The following ADGRV1 variants were observed in gnomAD, a reference collection of about 807,000 sequenced individuals.
ADGRV1 encodes adhesion G protein-coupled receptor V1.
In ADGRV1, 359 loss-of-function variants were observed where a neutral mutation model predicts 596.2. That is an observed-to-expected ratio of 0.60 (90% CI 0.55 to 0.66). The LOEUF is 0.66. ADGRV1 is among the 30% of genes least tolerant of loss of function. The pLI is 0.00. For synonymous variants in ADGRV1, 2,681 were observed against 2,679.2 expected (o/e 1.00, Z -0.02); for missense variants, 7,274 against 7,575.6 (o/e 0.96, Z 1.48).
At chr5:91,102,717 A>G (rs1197693332) in intron 87 of ADGRV1, among the ~76,000 whole-genome samples, 1 of 152,182 alleles carries the variant, frequency 6.6e-6, no homozygotes, top group Non-Finnish European at 1.5e-5. Context: ...TCAATTGAGG[A>G]GTGAAATAGT....
At chr5:90,815,764 C>A in intron 75 of ADGRV1, 28 bp downstream of exon 75, 2 of 1,158,132 alleles carry the variant, frequency 1.7e-6, no homozygotes, top group Non-Finnish European at 2.5e-6. Context: ...ATATGGAAGA[C>A]GTAACATTCT....
chr5:90,924,389 G>A (rs545462675), intron 83 of ADGRV1, among the ~76,000 whole-genome samples: 181 of 152,062 alleles, frequency 1.2e-3, no homozygotes, highest in African/African-American at 4.1e-3. Context: ...CAGTGATGAC[G>A]AACATTTTTT....
rs1288366636 is a variant in ADGRV1 at position 90,653,427 on chromosome 5, T to C, written c.3853T>C (p.Trp1285Arg). ...QGVFGDVQLG[W>R]EILSSEFPAG... is the part of the protein sequence containing the mutation. ...TGTGTTTGGTGATGTACAACTGGGC[T>C]GGGAAATACTGTCCAGTGAGTTCCC... The change falls in exon 20 of 90, where the codon TGG becomes CGG. Residue 1285 changes from tryptophan (W) to arginine (R), a missense_variant. Trp to Arg is a moderately radical substitution (Grantham distance 101, BLOSUM62 -3). This residue lies in a region of ADGRV1 where 1,715 missense variants were observed against 1,708.8 expected (regional missense o/e 1.00). Coordinates refer to ENST00000405460, the MANE Select transcript of ADGRV1 (RefSeq NM_032119.4). The C allele has an allele frequency of 6.2e-7, 1 of 1,613,964 alleles. No homozygotes were observed. The highest frequency in any genetic ancestry group is 1.7e-5 in the Admixed American group (1 of 59,996).
chr5:91,012,911 T>C lies in ADGRV1; in HGVS notation c.18152+27389T>C, dbSNP rs143919052. Among the ~76,000 whole-genome samples the C allele has an allele frequency of 5.9e-3, 903 of 152,162 alleles. 5 individuals carry two copies. The highest frequency in any genetic ancestry group is 0.019 in the African/African-American group (782 of 41,546). ...TCAAGTAGACACCAATGTCTGTTGT[T>C]CCCTTCTTTGTGCTCATGAGTTCTC... On this transcript the variant is annotated intron_variant, in intron 85 of 89. Transcript: ENST00000405460.
At chr5:90,965,844 T>C (rs1315281900) in intron 84 of ADGRV1, among the ~76,000 whole-genome samples, 1 of 152,196 alleles carries the variant, frequency 6.6e-6, no homozygotes, top group African/African-American at 2.4e-5. Flanking sequence ...AATAGAATGA[T>C]TTTAAGCAAA....
At chr5:90,883,596 C>T (rs914636409) in intron 83 of ADGRV1, among the ~76,000 whole-genome samples, 2 of 152,120 alleles carry the variant, frequency 1.3e-5, no homozygotes, top group African/African-American at 4.8e-5. Context: ...TCCCACCTTC[C>T]AAATGTATTT....
intron 86 of ADGRV1, among the ~76,000 whole-genome samples, chr5:91,101,598 G>A (rs1169670866): frequency 1.3e-5 from 2 of 152,138 alleles, no homozygotes; most frequent in Admixed American, 1.3e-4. Context: ...AAAGTCCCTT[G>A]GCCCTGAGAA....
At position 90,675,427 on chromosome 5, in the gene ADGRV1, C is replaced by G. The variant is rs201388114; in HGVS notation, c.5295C>G (p.Phe1765Leu). 943 of 1,613,276 alleles carry G rather than the reference C, an allele frequency of 5.8e-4. No individual in the cohort carries two copies. Among genetic ancestry groups the G allele is most frequent in the Non-Finnish European group, 7.4e-4 (870 of 1,179,638 alleles). The change falls in exon 24 of 90, where the codon TTC becomes TTG. Residue 1765 changes from phenylalanine (F) to leucine (L), a missense_variant. Phe to Leu is a conservative substitution (Grantham distance 22). This residue lies in a region of ADGRV1 where 3,643 missense variants were observed against 3,809.2 expected (regional missense o/e 0.96). Transcript: ENST00000405460. ...TTAGAACAGTGTCCTTGACAGCATTCAGTCCTGAGGATTACCAGGTAATTT... is the reference window on the plus strand; with the variant it reads ...TTAGAACAGTGTCCTTGACAGCATTGAGTCCTGAGGATTACCAGGTAATTT... ...AEFRTVSLTA[F>L]SPEDYQNVAG... is the part of the protein sequence containing the mutation.
chr5:90,720,008 A>G lies in ADGRV1; in HGVS notation c.9448-40A>G, dbSNP rs200870257. On this transcript the variant is annotated intron_variant, in intron 43 of 89. Transcript: ENST00000405460. The stretch of plus-strand genomic sequence containing the variant: ...TTCGCTATATATGTGTTACAAAAAT[A>G]CTGTATTCTAGTAACCTTATCTTTT... The G allele has an allele frequency of 1.4e-5, 22 of 1,528,042 alleles. No individual in the cohort carries two copies. In the Admixed American group the frequency reaches 3.6e-4, roughly 25 times the overall value. The allele number at this position is 1,528,042 out of a possible 1,614,324, so 94.7% of individuals were successfully genotyped here. A position where few individuals can be genotyped will look rare whatever the true frequency, so the allele number is the denominator to read the frequency against.
intron 85 of ADGRV1, among the ~76,000 whole-genome samples, chr5:90,995,531 T>C (rs1418052770): frequency 6.6e-6 from 1 of 152,172 alleles, no homozygotes; most frequent in Non-Finnish European, 1.5e-5. Context: ...CCACAGGTAG[T>C]TTTTTATAGG....
intron 34 of ADGRV1, among the ~76,000 whole-genome samples, chr5:90,697,513 A>T (rs1747347471): frequency 6.8e-6 from 1 of 147,638 alleles, no homozygotes; most frequent in Non-Finnish European, 1.5e-5. Flanking sequence ...TGGCAAGTAT[A>T]GCGTATGCCC....
chr5:90,659,761 G>A (rs141600444), intron 21 of ADGRV1, among the ~76,000 whole-genome samples: 2 of 152,112 alleles, frequency 1.3e-5, no homozygotes, highest in African/African-American at 4.8e-5. Context: ...GGCCGGGCGC[G>A]GTGGCTCACG....
chr5:90,857,145 G>C (rs1767098877), intron 82 of ADGRV1, among the ~76,000 whole-genome samples: 1 of 152,030 alleles, frequency 6.6e-6, no homozygotes, highest in Admixed American at 6.6e-5. Flanking sequence ...CATAAAGGAT[G>C]ACATTTCTTA....
intron 1 of ADGRV1, among the ~76,000 whole-genome samples, chr5:90,578,672 G>A (rs1757555979): frequency 6.6e-6 from 1 of 152,220 alleles, no homozygotes; most frequent in Non-Finnish European, 1.5e-5. Context: ...GATTGGAATA[G>A]TTCCAGAAGG....
chr5:91,098,988 G>T (rs569082847), intron 86 of ADGRV1, among the ~76,000 whole-genome samples: 1 of 152,228 alleles, frequency 6.6e-6, no homozygotes, highest in South Asian at 2.1e-4. Flanking sequence ...AAATATTAGG[G>T]TATCTTGTCA....
chr5:90,616,507 AG>A (rs1443843150), intron 2 of ADGRV1, among the ~76,000 whole-genome samples: 2 of 152,174 alleles, frequency 1.3e-5, no homozygotes, highest in Non-Finnish European at 2.9e-5. Flanking sequence ...TGAAACTGAT[AG>A]GGAAATAATT....
In ADGRV1 at chr5:90,910,420, C is replaced by T. The variant is rs889546333; in HGVS notation, c.17856+46563C>T. Among the ~76,000 whole-genome samples, 4 of 152,206 alleles carry T rather than the reference C, an allele frequency of 2.6e-5. No individual in the cohort carries two copies. In the South Asian group the frequency reaches 8.3e-4, roughly 32 times the overall value. On this transcript the variant is annotated intron_variant, in intron 83 of 89. Coordinates refer to ENST00000405460, the MANE Select transcript of ADGRV1 (RefSeq NM_032119.4). ...GTATATTCCACTTTGAGATAATGCA[C>T]ATTGTGAATATAGTATTATGATTAG...
chr5:91,069,524 A>G (rs1788187636), intron 85 of ADGRV1, among the ~76,000 whole-genome samples: 2 of 152,220 alleles, frequency 1.3e-5, no homozygotes, highest in Non-Finnish European at 2.9e-5. Context: ...TACATCATCA[A>G]TCATCAGGGA....
At chr5:90,721,539 A>C in intron 45 of ADGRV1, among the ~76,000 whole-genome samples, 1 of 19,932 alleles carries the variant, frequency 5.0e-5, no homozygotes, top group Admixed American at 6.3e-4. Flanking sequence ...ATAAAAATAA[A>C]ATAAAATAAA....
Sources: gnomAD v4.1 joint callset for allele counts (sites outside exome capture counted in the v4.1 genomes callset) on GRCh38, gnomAD v4.1.1 for gene constraint, gnomAD v4.1.1 regional missense constraint, MANE v1.5 for transcripts, NCBI Gene and HGNC (gene_info 2026-07-23, HGNC 2026-07-21) for gene names.